MMP21: variants seen among roughly 807,000 people sequenced by gnomAD.
MMP21 encodes the protein matrix metalloproteinase-21.
MMP21 carries 40 observed loss-of-function variants against 47.8 expected under a neutral mutation model. The observed-to-expected ratio is 0.84, with a 90% CI of 0.65 to 1.09. MMP21 has a LOEUF of 1.09. MMP21 is among the 50% of genes least tolerant of loss of function. The pLI, the probability that MMP21 is intolerant of heterozygous loss-of-function variation, is 0.00. For synonymous variants in MMP21, 341 were observed against 318.0 expected (o/e 1.07, Z -0.77); for missense variants, 747 against 775.3 (o/e 0.96, Z 0.43).
In MMP21 at chr10:125,772,448, C is replaced by G. The variant is rs1004295138; in HGVS notation, c.838-89G>C. 1 of 1,583,318 alleles carries G rather than the reference C, an allele frequency of 6.3e-7. No homozygotes were observed. The highest frequency in any genetic ancestry group is 1.9e-4 in the Middle Eastern group (1 of 5,240). ...ACGCAGGCCTGTGCTTCGAGAGGAG[C>G]GTTGCTTGTGAAGAGGGGAGCACCG... On this transcript the variant is annotated intron_variant, in intron 3 of 6. Coordinates refer to ENST00000368808, the MANE Select transcript of MMP21 (RefSeq NM_147191.1). This position sits in a 1 kb window ranked among gnomAD's most constrained non-coding sequence, Gnocchi z 5.6.
Position 125,766,681 on chromosome 10 carries a change from A to G in MMP21, c.1691T>C (p.Ile564Thr), listed in dbSNP as rs1379996548. 1 of 1,611,254 alleles carries G rather than the reference A, an allele frequency of 6.2e-7. No individual in the cohort carries two copies. The highest frequency in any genetic ancestry group is 1.7e-5 in the Admixed American group (1 of 59,474). The change falls in exon 7 of 7, where the codon ATC becomes ACC. Residue 564 changes from isoleucine to threonine, a missense_variant. Coordinates refer to ENST00000368808, the MANE Select transcript of MMP21 (RefSeq NM_147191.1). ...TTCTTATTACATGTTCAGTGTGGAG[A>G]TATGGACGTCACAAACATCAAACCA... ...EKWFDVCDVH[I>T]STLNM
chr10:125,770,646 T>C, intron 4 of MMP21, 55 bp from the exon 5 acceptor site: 3 of 1,581,574 alleles, frequency 1.9e-6, no homozygotes, highest in Non-Finnish European at 1.7e-6. Context: ...GCAAAACTTA[T>C]ATTTTCATAT....
At chr10:125,770,829 A>G (rs368029155) in intron 4 of MMP21, among the ~76,000 whole-genome samples, 6 of 151,402 alleles carry the variant, frequency 4.0e-5, no homozygotes, top group African/African-American at 1.5e-4. Context: ...CCTGGGCAAC[A>G]TGGTGAAACC....
Position 125,772,510 on chromosome 10 carries a change from C to CA in MMP21, c.837+100dup, listed in dbSNP as rs1724119830. 5 of 1,584,102 alleles carry CA rather than the reference C, an allele frequency of 3.2e-6. 1 individual carries two copies. In the South Asian group the frequency reaches 5.6e-5, roughly 18 times the overall value. On this transcript the variant is annotated intron_variant, in intron 3 of 6. Coordinates refer to ENST00000368808, the MANE Select transcript of MMP21 (RefSeq NM_147191.1). The surrounding 1 kb of genome is among the most constrained non-coding windows in gnomAD (Gnocchi z 5.6). ...GAGCCATTCCACGGATTCACCTCCT[C>CA]AGAGGTTGCGGACACTACATGAGAA...
In MMP21 at chr10:125,770,534, T is replaced by C. The variant is rs764747628; in HGVS notation, c.1037A>G (p.Gln346Arg). The C allele has an allele frequency of 8.1e-6, 13 of 1,614,054 alleles. No homozygotes were observed. Among genetic ancestry groups the C allele is most frequent in the Non-Finnish European group, 1.0e-5 (12 of 1,180,040 alleles). The stretch of plus-strand genomic sequence containing the variant: ...AAATCTCACCATCACCTCTCCATAT[T>C]GGTTTCTCTCTTTGCGAATCCAGTC... ...AFDWIRKERN[Q>R]YGEVMVRFST... Residue 346 changes from glutamine (Q) to arginine (R), a missense_variant, in exon 5 of 7, where the codon CAA (glutamine) becomes CGA (arginine). Physicochemically the swap from Gln to Arg is conservative, Grantham distance 43. Coordinates refer to ENST00000368808, the MANE Select transcript of MMP21 (RefSeq NM_147191.1).
chr10:125,771,914 G>A (rs1850450124), intron 4 of MMP21, among the ~76,000 whole-genome samples: 1 of 152,114 alleles, frequency 6.6e-6, no homozygotes, highest in Non-Finnish European at 1.5e-5. Flanking sequence ...TCTCTGGTGG[G>A]ATGCCACAGC....
At chr10:125,770,624 C>G in intron 4 of MMP21, 33 bp from the exon 5 acceptor site, 1 of 1,609,492 alleles carries the variant, frequency 6.2e-7, no homozygotes, top group Non-Finnish European at 8.5e-7. Flanking sequence ...AGCCACTTGT[C>G]ACATACATGG....
At chr10:125,770,255 C>T (rs1258956295) in intron 5 of MMP21, 79 bp downstream of exon 5, 3 of 1,456,362 alleles carry the variant, frequency 2.1e-6, no homozygotes, top group Non-Finnish European at 2.8e-6. Context: ...CAACAGATTC[C>T]TTGGTAGGGG....
rs747491001 is a variant in MMP21, at chr10:125,771,342, A to G, written c.980-751T>C. Among the ~76,000 whole-genome samples the G allele has an allele frequency of 4.6e-5, 7 of 151,984 alleles. No individual in the cohort carries two copies. In the South Asian group the frequency reaches 1.2e-3, roughly 27 times the overall value. On this transcript the variant is annotated intron_variant, in intron 4 of 6. Coordinates refer to ENST00000368808, the MANE Select transcript of MMP21 (RefSeq NM_147191.1). ...GTGTCCTGGCTGTTGTTGTCTCCAA[A>G]GACACAGAGTGCTGAGAATGGGGGG...
Position 125,773,984 on chromosome 10 carries a change from C to T in MMP21, c.544G>A (p.Gly182Ser). 6.4e-7 allele frequency: 1 copy of T among 1,563,368 alleles called. No individual in the cohort carries two copies. Reference sequence around the variant, plus strand: ...GACAGTTGGCTGCTCAGGGCCTCGCCCAGCAGCCGCCAGCTCAGCGTCCTC... The same window carrying T: ...GACAGTTGGCTGCTCAGGGCCTCGCTCAGCAGCCGCCAGCTCAGCGTCCTC... The part of the protein sequence containing the change: ...SKRTLSWRLL[G>S]EALSSQLSVA... The change falls in exon 2 of 7, where the codon GGC becomes AGC. Residue 182 changes from glycine (G) to serine (S), a missense_variant. Coordinates refer to ENST00000368808, the MANE Select transcript of MMP21 (RefSeq NM_147191.1). This position sits in a 1 kb window ranked among gnomAD's most constrained non-coding sequence, Gnocchi z 4.8.
rs112472339 is a variant in MMP21 at position 125,773,013 on chromosome 10, G to T, written c.698-263C>A. 6.6e-6 allele frequency among the ~76,000 whole-genome samples: 1 copy of T among 152,246 alleles called. No homozygotes were observed. ...GGGCTGGGTGAGAGCCCGGCTGGGG[G>T]CCTGGGAAGATGGCAAAAAGGCCTC... On this transcript the variant is annotated intron_variant, in intron 2 of 6. Coordinates refer to ENST00000368808, the MANE Select transcript of MMP21 (RefSeq NM_147191.1). The surrounding 1 kb of genome is among the most constrained non-coding windows in gnomAD (Gnocchi z 4.8).
At chr10:125,768,442 A>G (rs1027216518) in intron 5 of MMP21, among the ~76,000 whole-genome samples, 1 of 152,222 alleles carries the variant, frequency 6.6e-6, no homozygotes, top group Non-Finnish European at 1.5e-5. Context: ...GTAGAAGCTT[A>G]TTTTAGCTGC....
intron 1 of MMP21, among the ~76,000 whole-genome samples, chr10:125,774,958 G>T (rs1850500606): frequency 6.6e-6 from 1 of 152,210 alleles, no homozygotes; most frequent in Non-Finnish European, 1.5e-5. Context: ...GCGGGAGGGA[G>T]GTCAGCGGCC....
In MMP21 at chr10:125,773,907, C is replaced by T; in HGVS notation, c.621G>A (p.Glu207=). The T allele has an allele frequency of 1.9e-6, 3 of 1,584,670 alleles. No individual in the cohort carries two copies. Among genetic ancestry groups the T allele is most frequent in the Non-Finnish European group, 1.7e-6 (2 of 1,172,532 alleles). ...IVALAFRMWS[E]VTPLDFREDL... ...CCTCGCGGAAGTCCAGCGGCGTCACCTCGCTCCACATCCTGAAGGCCAGCG... is the reference window on the plus strand; with the variant it reads ...CCTCGCGGAAGTCCAGCGGCGTCACTTCGCTCCACATCCTGAAGGCCAGCG... Residue 207 remains glutamate, a synonymous_variant, in exon 2 of 7, where the codon GAG becomes GAA. Coordinates refer to ENST00000368808, the MANE Select transcript of MMP21 (RefSeq NM_147191.1). This position sits in a 1 kb window ranked among gnomAD's most constrained non-coding sequence, Gnocchi z 4.8.
At chr10:125,769,061 G>A (rs576574035) in intron 5 of MMP21, among the ~76,000 whole-genome samples, 5 of 152,238 alleles carry the variant, frequency 3.3e-5, no homozygotes, top group African/African-American at 1.2e-4. Flanking sequence ...TCAGGCAGAG[G>A]GGCTACACAA....
intron 4 of MMP21, among the ~76,000 whole-genome samples, chr10:125,771,099 C>T (rs577655707): frequency 4.6e-5 from 7 of 152,206 alleles, no homozygotes; most frequent in African/African-American, 1.4e-4. Flanking sequence ...CTGCTACAGT[C>T]CTGGTTCACA....
At chr10:125,770,634 G>T in intron 4 of MMP21, 43 bp from the exon 5 acceptor site, 1 of 1,597,416 alleles carries the variant, frequency 6.3e-7, no homozygotes, top group African/African-American at 1.3e-5. Flanking sequence ...CACATACATG[G>T]TGCAAAACTT....
At chr10:125,767,376 A>G (rs1850397540) in intron 6 of MMP21, among the ~76,000 whole-genome samples, 156 bp downstream of exon 6, 1 of 152,230 alleles carries the variant, frequency 6.6e-6, no homozygotes. Flanking sequence ...TCCTGGGCTT[A>G]AGCGATCCGC....
At chr10:125,767,896 T>G (rs1850403977) in intron 5 of MMP21, among the ~76,000 whole-genome samples, 192 bp from the exon 6 acceptor site, 1 of 152,160 alleles carries the variant, frequency 6.6e-6, no homozygotes, top group Admixed American at 6.5e-5. Context: ...TACTCTTACA[T>G]TTAACCCAGG....
Sources: gnomAD v4.1 joint callset for allele counts (sites outside exome capture counted in the v4.1 genomes callset) on GRCh38, gnomAD v4.1.1 for gene constraint, Gnocchi (gnomAD v3.1) non-coding constraint, MANE v1.5 for transcripts, NCBI Gene and HGNC (gene_info 2026-07-23, HGNC 2026-07-21) for gene names.